The following CTNNA3 variants were observed in gnomAD, a reference collection of about 807,000 sequenced individuals.
The protein encoded by CTNNA3 is catenin alpha 3.
In CTNNA3, 76 loss-of-function variants were observed where a neutral mutation model predicts 95.7. That is an observed-to-expected ratio of 0.79 (90% CI 0.66 to 0.96). The LOEUF (loss-of-function observed/expected upper bound fraction) is 0.96. Ranked by LOEUF, CTNNA3 falls within the 40% of genes least tolerant of loss-of-function variation. The probability of loss-of-function intolerance (pLI) is 0.00; values close to 1 mark genes in which losing one functional copy is unlikely to be tolerated. For synonymous variants in CTNNA3, 431 were observed against 374.4 expected, an observed-to-expected ratio of 1.15 and a Z score of -1.74; for missense variants, 1,191 against 1,089.8, an observed-to-expected ratio of 1.09 and a Z score of -1.31.
At chr10:67,650,278 C>CA (rs1476990468) in intron 1 of CTNNA3, among the ~76,000 whole-genome samples, 1 of 152,152 alleles carries the variant, frequency 6.6e-6, no homozygotes, top group African/African-American at 2.4e-5. Context: ...CTTACTATAC[C>CA]ATTAGATGCT....
At chr10:66,330,415 C>T (rs903033380) in intron 12 of CTNNA3, among the ~76,000 whole-genome samples, 1 of 151,960 alleles carries the variant, frequency 6.6e-6, no homozygotes, top group Non-Finnish European at 1.5e-5. Flanking sequence ...TGTTTTATGG[C>T]TGCATAGTAT....
chr10:66,809,238 T>C (rs1841780143), intron 7 of CTNNA3, among the ~76,000 whole-genome samples: 1 of 152,220 alleles, frequency 6.6e-6, no homozygotes, highest in Admixed American at 6.6e-5. Flanking sequence ...ATTAAATACA[T>C]ACATCTATCT....
chr10:66,000,204 A>G (rs2078743510), intron 15 of CTNNA3, among the ~76,000 whole-genome samples: 2 of 152,106 alleles, frequency 1.3e-5, no homozygotes, highest in African/African-American at 2.4e-5. Context: ...ATATCTTTGA[A>G]AATTTATTGG....
At chr10:67,097,445 G>A (rs1021795377) in intron 7 of CTNNA3, 25 of 655,480 alleles carry the variant, frequency 3.8e-5, no homozygotes, top group African/African-American at 1.8e-4. Flanking sequence ...GGGCATTAGC[G>A]GGATAATATA....
At chr10:67,391,361 C>T (rs1026428505) in intron 5 of CTNNA3, among the ~76,000 whole-genome samples, 7 of 150,608 alleles carry the variant, frequency 4.6e-5, no homozygotes, top group Non-Finnish European at 7.5e-5. Flanking sequence ...ATGTGAAGGA[C>T]CTCTTCAAGG....
At chr10:65,990,522 T>A (rs957845395) in intron 15 of CTNNA3, among the ~76,000 whole-genome samples, 4 of 151,810 alleles carry the variant, frequency 2.6e-5, no homozygotes, top group Non-Finnish European at 5.9e-5. Context: ...TGGTCATTTG[T>A]CTTCTTTTGA....
At chr10:66,876,286 A>G (rs1844618537) in intron 7 of CTNNA3, among the ~76,000 whole-genome samples, 1 of 152,178 alleles carries the variant, frequency 6.6e-6, no homozygotes, top group Non-Finnish European at 1.5e-5. Context: ...ATTAGGATAA[A>G]CAACGAAACA....
upstream of CTNNA3, among the ~76,000 whole-genome samples, chr10:67,697,715 T>A (rs983564004): frequency 8.5e-5 from 13 of 152,122 alleles, no homozygotes; most frequent in Non-Finnish European, 1.8e-4. Context: ...ATTATAAATA[T>A]CTGAAATGTA....
At chr10:66,932,699 AAAGAAAT>A (rs1232691564) in intron 7 of CTNNA3, among the ~76,000 whole-genome samples, 1 of 17,002 alleles carries the variant, frequency 5.9e-5, no homozygotes, top group Non-Finnish European at 4.1e-4. Flanking sequence ...AAAATGAATT[AAAGAAAT>A]AATAATAATA....
chr10:67,161,991 C>T lies in CTNNA3; in HGVS notation c.1047+18326G>A, dbSNP rs550955722. Among the ~76,000 whole-genome samples the T allele has an allele frequency of 3.9e-5, 6 of 152,076 alleles. No individual in the cohort carries two copies. In the South Asian group the frequency reaches 8.3e-4, roughly 21 times the overall value. On this transcript the variant is annotated intron_variant, in intron 7 of 17. Transcript: ENST00000433211. The stretch of plus-strand genomic sequence containing the variant: ...CAAGAAGACATAGCTAGCCTAAATG[C>T]GCATGTACTTAACAACAGAGCTATA...
At chr10:67,221,691 C>T (rs2132270655) in intron 5 of CTNNA3, among the ~76,000 whole-genome samples, 1 of 152,234 alleles carries the variant, frequency 6.6e-6, no homozygotes, top group Non-Finnish European at 1.5e-5. Flanking sequence ...TCTCCTGCCT[C>T]GGCCTCCTGA....
intron 7 of CTNNA3, among the ~76,000 whole-genome samples, chr10:66,847,885 T>G (rs760937657): frequency 6.6e-6 from 1 of 152,170 alleles, no homozygotes; most frequent in Non-Finnish European, 1.5e-5. Flanking sequence ...GATAATGTAA[T>G]TTATTGAAAA....
chr10:67,331,667 T>G (rs879261818), intron 5 of CTNNA3, among the ~76,000 whole-genome samples: 5 of 152,212 alleles, frequency 3.3e-5, no homozygotes, highest in Non-Finnish European at 7.3e-5. Flanking sequence ...TATATATGTG[T>G]TAACATTCTT....
chr10:67,603,352 C>T (rs572905547), intron 3 of CTNNA3, among the ~76,000 whole-genome samples: 2 of 152,308 alleles, frequency 1.3e-5, no homozygotes, highest in South Asian at 4.1e-4. Context: ...CGAAAAACTC[C>T]TATTGCCTAG....
rs61603392 is a variant in CTNNA3, at chr10:67,143,425, TAAAAA to T, written c.1047+36887_1047+36891del. On this transcript the variant is annotated intron_variant, in intron 7 of 17. Coordinates refer to ENST00000433211, the MANE Select transcript of CTNNA3 (RefSeq NM_013266.4). ...TGGGTGACTGAGCAAGGCTCTGTCT[TAAAAA>T]AAAAAAAAAAAAAAAAATTATCTGT... Among the ~76,000 whole-genome samples, 44 of 75,992 alleles carry T rather than the reference TAAAAA, an allele frequency of 5.8e-4. 1 individual carries two copies. The highest frequency in any genetic ancestry group is 1.2e-3 in the Admixed American group (8 of 6,764). The allele number at this position is 75,992 out of a possible 152,430, so 49.9% of individuals were successfully genotyped here.
intron 2 of CTNNA3, among the ~76,000 whole-genome samples, chr10:67,630,375 C>T (rs1205529747): frequency 1.3e-5 from 2 of 152,142 alleles, no homozygotes; most frequent in Non-Finnish European, 2.9e-5. Context: ...TTATCATGTT[C>T]CATTTCCCCA....
intron 7 of CTNNA3, among the ~76,000 whole-genome samples, chr10:67,168,489 C>T (rs145922656): frequency 3.3e-5 from 5 of 152,252 alleles, no homozygotes; most frequent in Non-Finnish European, 5.9e-5. Flanking sequence ...ATACACAAAG[C>T]AATAAATATC....
At chr10:67,391,010 C>A (rs1447615679) in intron 5 of CTNNA3, among the ~76,000 whole-genome samples, 3 of 152,146 alleles carry the variant, frequency 2.0e-5, no homozygotes, top group African/African-American at 7.2e-5. Flanking sequence ...CAGGGATGCC[C>A]TCTCTTACCA....
chr10:66,804,301 G>A (rs1435253381), intron 7 of CTNNA3, among the ~76,000 whole-genome samples: 1 of 151,818 alleles, frequency 6.6e-6, no homozygotes, highest in Non-Finnish European at 1.5e-5. Context: ...TTATTAAATC[G>A]TTTGGCTTTG....
Sources: allele counts gnomAD v4.1 joint callset (sites outside exome capture counted in the v4.1 genomes callset), GRCh38; gene constraint gnomAD v4.1.1; transcripts MANE v1.5; gene names NCBI Gene and HGNC (gene_info 2026-07-23, HGNC 2026-07-21).